Variants in CLCN5 observed in about 807,000 individuals in gnomAD.
The protein encoded by CLCN5 is H(+)/Cl(-) exchange transporter 5.
In CLCN5, 17 loss-of-function variants were observed where a neutral mutation model predicts 54.0. That is an observed-to-expected ratio of 0.31 (90% confidence interval 0.22 to 0.47). The LOEUF is 0.47. Ranked by LOEUF, CLCN5 falls within the 20% of genes least tolerant of loss-of-function variation. The pLI is 1.00. For synonymous variants in CLCN5, 222 were observed against 233.0 expected, an observed-to-expected ratio of 0.95 and a Z score of 0.43; for missense variants, 448 against 646.7, an observed-to-expected ratio of 0.69 and a Z score of 3.33.
At chrX:49,977,928 A>T (rs782806134) in intron 3 of CLCN5, among the ~76,000 whole-genome samples, 1 of 111,813 alleles carries the variant, frequency 8.9e-6, no homozygotes, top group East Asian at 2.8e-4. Context: ...CCTGGGAGAG[A>T]GACAGGGCGC....
intron 3 of CLCN5, among the ~76,000 whole-genome samples, chrX:50,027,965 A>G (rs1557185282): frequency 9.0e-6 from 1 of 111,639 alleles, no homozygotes; most frequent in Non-Finnish European, 1.9e-5. Flanking sequence ...AGACTTCTTA[A>G]CTAAATTTAA....
At chrX:50,019,484 T>A (rs1930974043) in intron 3 of CLCN5, among the ~76,000 whole-genome samples, 1 of 93,386 alleles carries the variant, frequency 1.1e-5, no homozygotes, top group African/African-American at 3.9e-5. Flanking sequence ...TTTTTTTTTT[T>A]TTTTTATTAT....
intron 9 of CLCN5, among the ~76,000 whole-genome samples, chrX:50,082,269 A>G (rs1172235418): frequency 9.0e-6 from 1 of 110,611 alleles, no homozygotes; most frequent in Non-Finnish European, 1.9e-5. Flanking sequence ...ACATGCACTT[A>G]TTGATAGAAA....
At chrX:49,974,387 C>T (rs1688447276) in intron 3 of CLCN5, among the ~76,000 whole-genome samples, 1 of 110,141 alleles carries the variant, frequency 9.1e-6, no homozygotes, top group South Asian at 3.9e-4. Flanking sequence ...ATTTTATTGA[C>T]CTTCCTATTT....
intron 3 of CLCN5, among the ~76,000 whole-genome samples, chrX:50,030,651 T>C (rs1931652872): frequency 8.9e-6 from 1 of 112,374 alleles, no homozygotes; most frequent in African/African-American, 3.2e-5. Flanking sequence ...AATTTAGATA[T>C]TCTACATCAT....
intron 3 of CLCN5, among the ~76,000 whole-genome samples, chrX:49,976,319 G>A (rs1928482180): frequency 8.9e-6 from 1 of 112,415 alleles, no homozygotes; most frequent in African/African-American, 3.2e-5. Flanking sequence ...AATCTGGTTG[G>A]TAACAAGGCC....
chrX:50,035,562 G>T (rs1557186428), intron 3 of CLCN5, among the ~76,000 whole-genome samples: 1 of 108,805 alleles, frequency 9.2e-6, no homozygotes, highest in African/African-American at 3.4e-5. Context: ...TATTTGAGCT[G>T]GCCCTAGGTA....
intron 3 of CLCN5, among the ~76,000 whole-genome samples, chrX:49,951,344 T>C (rs1221827251): frequency 1.8e-5 from 2 of 112,195 alleles, no homozygotes; most frequent in Non-Finnish European, 3.8e-5. Flanking sequence ...CCATTAAGTC[T>C]CTAAGGTGAC....
chrX:50,091,109 A>G (rs1934083997), intron 14 of CLCN5, among the ~76,000 whole-genome samples: 1 of 111,987 alleles, frequency 8.9e-6, no homozygotes. Context: ...TGCTGGTTGC[A>G]TATTATAAAT....
chrX:49,983,561 TAAC>T (rs1557177954), intron 3 of CLCN5, among the ~76,000 whole-genome samples: 3 of 109,616 alleles, frequency 2.7e-5, no homozygotes, highest in Non-Finnish European at 5.7e-5. Flanking sequence ...AAGGAAGGCC[TAAC>T]CTGTTGTCCT....
intron 3 of CLCN5, among the ~76,000 whole-genome samples, chrX:49,971,266 T>A (rs935179704): frequency 2.9e-5 from 3 of 104,042 alleles, no homozygotes; most frequent in Non-Finnish European, 5.8e-5. Flanking sequence ...ATATATATTT[T>A]TATATATATT....
chrX:49,963,648 T>C lies in CLCN5; in HGVS notation c.16+38334T>C, dbSNP rs782275472. On this transcript the variant is annotated intron_variant, in intron 3 of 14. Coordinates refer to ENST00000376091, the MANE Select transcript of CLCN5 (RefSeq NM_001127898.4). ...CAGGACAAATATTACAAATCAGCCTTCCCTGCAAAAGAGGGACAACCAGTG... is the reference window on the plus strand; with the variant it reads ...CAGGACAAATATTACAAATCAGCCTCCCCTGCAAAAGAGGGACAACCAGTG... Among the ~76,000 whole-genome samples, 218 of 112,082 alleles carry C rather than the reference T, an allele frequency of 1.9e-3. 1 individual carries two copies. The highest frequency in any genetic ancestry group is 6.9e-3 in the African/African-American group (213 of 30,901).
At chrX:49,971,592 C>T (rs1928216696) in intron 3 of CLCN5, among the ~76,000 whole-genome samples, 1 of 111,101 alleles carries the variant, frequency 9.0e-6, no homozygotes, top group Non-Finnish European at 1.9e-5. Context: ...CAGCCTCTGC[C>T]CTGGGAGTGA....
chrX:49,993,330 G>C (rs150007904), intron 3 of CLCN5, among the ~76,000 whole-genome samples: 2 of 111,892 alleles, frequency 1.8e-5, no homozygotes, highest in African/African-American at 6.5e-5. Flanking sequence ...TATCTAGCTG[G>C]ATTTTGTGCT....
At chrX:50,081,088 C>T (rs1933678475) in intron 8 of CLCN5, among the ~76,000 whole-genome samples, 2 of 111,935 alleles carry the variant, frequency 1.8e-5, no homozygotes, top group Admixed American at 9.4e-5. Flanking sequence ...ATGATTTAGG[C>T]TACATGGGAT....
At chrX:49,992,097 T>C (rs1272371167) in intron 3 of CLCN5, among the ~76,000 whole-genome samples, 1 of 110,916 alleles carries the variant, frequency 9.0e-6, no homozygotes, top group Non-Finnish European at 1.9e-5. Context: ...TATTTAGTTG[T>C]GGTTAGTGGT....
chrX:49,958,101 C>G (rs1257886298), intron 3 of CLCN5, among the ~76,000 whole-genome samples: 1 of 111,640 alleles, frequency 9.0e-6, no homozygotes, highest in Non-Finnish European at 1.9e-5. Context: ...CTTTTGCTGT[C>G]CCTTTATATA....
At chrX:50,009,671 A>G (rs1557182154) in intron 3 of CLCN5, 2 of 383,130 alleles carry the variant, frequency 5.2e-6, no homozygotes, top group Non-Finnish European at 1.0e-5. Flanking sequence ...TGAAAGTCAA[A>G]TATATATGGA....
intron 3 of CLCN5, among the ~76,000 whole-genome samples, chrX:49,997,600 A>G (rs1929587731): frequency 9.0e-6 from 1 of 110,530 alleles, no homozygotes; most frequent in South Asian, 3.9e-4. Flanking sequence ...GTCATAGCTC[A>G]CTGCAGTCTT....
Sources: gnomAD v4.1 joint callset for allele counts (sites outside exome capture counted in the v4.1 genomes callset) on GRCh38, gnomAD v4.1.1 for gene constraint, MANE v1.5 for transcripts, NCBI Gene and HGNC (gene_info 2026-07-23, HGNC 2026-07-21) for gene names.